Variants in PAM observed in about 807,000 individuals in gnomAD.
PAM encodes the protein peptidylglycine alpha-amidating monooxygenase.
In PAM, 72 loss-of-function variants were observed where a neutral mutation model predicts 122.1. That is an observed-to-expected ratio of 0.59 (90% CI 0.49 to 0.72). The LOEUF (loss-of-function observed/expected upper bound fraction) is 0.72. Among genes scored for constraint, PAM ranks in the 30% least tolerant of loss-of-function variants. The pLI is 0.00. For synonymous variants in PAM, 389 were observed against 404.4 expected, an observed-to-expected ratio of 0.96 and a Z score of 0.46; for missense variants, 1,106 against 1,183.7, an observed-to-expected ratio of 0.93 and a Z score of 0.96.
chr5:102,958,597 C>T (rs759570463), intron 12 of PAM, among the ~76,000 whole-genome samples: 57 of 152,168 alleles, frequency 3.7e-4, no homozygotes, highest in Admixed American at 7.2e-4. Flanking sequence ...TTATATTTCA[C>T]GGGAGAGGCA....
Position 103,025,242 on chromosome 5 carries a change from T to C in PAM, c.2597T>C (p.Val866Ala), listed in dbSNP as rs1238262104. The C allele has an allele frequency of 4.3e-6, 7 of 1,613,648 alleles. No individual in the cohort carries two copies. Among genetic ancestry groups the C allele is most frequent in the South Asian group, 1.1e-5 (1 of 91,072 alleles). ...AAAGAGCCAGGCTCGGGAGTGCCTGTTGTTCTCATTACAACCCTTCTGGTT... is the reference window on the plus strand; with the variant it reads ...AAAGAGCCAGGCTCGGGAGTGCCTGCTGTTCTCATTACAACCCTTCTGGTT... The part of the protein sequence containing the change: ...LIKEPGSGVP[V>A]VLITTLLVIP... Residue 866 changes from valine (V) to alanine (A), a missense_variant, in exon 24 of 26, where the codon GTT becomes GCT. Transcript: ENST00000438793.
intron 7 of PAM, among the ~76,000 whole-genome samples, chr5:102,946,183 C>G (rs6867392): frequency 0.26 from 39,867 of 151,930 alleles, 5,721 homozygotes; most frequent in East Asian, 0.43. Context: ...GCTATAGGAG[C>G]AGCTGTTGAT....
At chr5:103,002,399 T>C (rs1777673104) in intron 16 of PAM, among the ~76,000 whole-genome samples, 1 of 152,158 alleles carries the variant, frequency 6.6e-6, no homozygotes, top group Non-Finnish European at 1.5e-5. Context: ...TAGTTGTTCA[T>C]TTTGTAGTTA....
chr5:102,767,181 A>C (rs998632414), intron 1 of PAM, among the ~76,000 whole-genome samples: 1 of 151,702 alleles, frequency 6.6e-6, no homozygotes, highest in African/African-American at 2.4e-5. Flanking sequence ...TTAGAATTAA[A>C]ACTTTCTTTA....
At chr5:102,840,212 G>A (rs1474523894) in intron 1 of PAM, among the ~76,000 whole-genome samples, 4 of 152,086 alleles carry the variant, frequency 2.6e-5, no homozygotes, top group Non-Finnish European at 4.4e-5. Flanking sequence ...CAATGATGAT[G>A]CTTAAAAGGC....
chr5:102,867,448 A>AC, intron 3 of PAM, 55 bp downstream of exon 3: 10 of 1,380,202 alleles, frequency 7.2e-6, no homozygotes, highest in Non-Finnish European at 1.0e-5. Context: ...ATCTATAATT[A>AC]AAGTAAGGAA....
intron 3 of PAM, among the ~76,000 whole-genome samples, chr5:102,871,737 T>A (rs904815386): frequency 3.5e-5 from 5 of 142,194 alleles, no homozygotes; most frequent in African/African-American, 1.0e-4. Flanking sequence ...TTATATATAT[T>A]ATATATATAT....
chr5:102,884,363 T>C (rs765471951), intron 3 of PAM, among the ~76,000 whole-genome samples: 65 of 151,864 alleles, frequency 4.3e-4, no homozygotes, highest in Non-Finnish European at 6.9e-4. Flanking sequence ...GAGCCTCTAA[T>C]TGATAAATGT....
chr5:103,024,893 A>C (rs993617944), intron 23 of PAM, among the ~76,000 whole-genome samples: 1 of 152,206 alleles, frequency 6.6e-6, no homozygotes, highest in Non-Finnish European at 1.5e-5. Context: ...GCTAAAGAGC[A>C]TATTAAAAGT....
chr5:102,829,021 G>A (rs1472359377), intron 1 of PAM, among the ~76,000 whole-genome samples: 1 of 150,224 alleles, frequency 6.7e-6, no homozygotes, highest in African/African-American at 2.4e-5. Flanking sequence ...CGAGAAGCTG[G>A]GACTGCAATC....
intron 1 of PAM, among the ~76,000 whole-genome samples, chr5:102,790,421 A>G (rs1761748436): frequency 6.6e-6 from 1 of 152,096 alleles, no homozygotes; most frequent in African/African-American, 2.4e-5. Flanking sequence ...AGATCACAGC[A>G]GAGCTTGTAG....
intron 12 of PAM, among the ~76,000 whole-genome samples, chr5:102,957,643 C>A (rs1015018315): frequency 6.6e-6 from 1 of 152,042 alleles, no homozygotes; most frequent in Non-Finnish European, 1.5e-5. Flanking sequence ...AATTCTCCTG[C>A]CTCAGCCTCT....
At position 102,901,370 on chromosome 5, in the gene PAM, C is replaced by T. The variant is rs765607174; in HGVS notation, c.225C>T (p.Phe75=). 6.3e-6 allele frequency: 10 copies of T among 1,577,732 alleles called. No individual in the cohort carries two copies. The highest frequency in any genetic ancestry group is 8.7e-6 in the Non-Finnish European group (10 of 1,148,590). ...GVTPKQSDTY[F]CMSMRIPVDE... is the part of the protein sequence containing the mutation. ...TTTTTTAATAGTCCGATACATACTT[C>T]TGCATGTCTATGCGAATACCAGTGG... The change falls in exon 4 of 26, where the codon TTC becomes TTT. Residue 75 remains phenylalanine (F), a synonymous_variant. Coordinates refer to ENST00000438793, the MANE Select transcript of PAM (RefSeq NM_001177306.2).
At chr5:102,779,896 T>C (rs1033412993) in intron 1 of PAM, among the ~76,000 whole-genome samples, 1 of 91,850 alleles carries the variant, frequency 1.1e-5, no homozygotes, top group South Asian at 4.0e-4. Context: ...CATATATATA[T>C]ATATATATAT....
chr5:102,962,172 G>A (rs1762701619), intron 14 of PAM, among the ~76,000 whole-genome samples: 1 of 151,904 alleles, frequency 6.6e-6, no homozygotes, highest in South Asian at 2.1e-4. Flanking sequence ...TTAGAAAGGG[G>A]AAAATGCATT....
At chr5:103,011,834 C>T (rs1228998111) in intron 21 of PAM, among the ~76,000 whole-genome samples, 1 of 152,104 alleles carries the variant, frequency 6.6e-6, no homozygotes, top group African/African-American at 2.4e-5. Context: ...TTTAAGGAAC[C>T]TCCAAACTGT....
chr5:102,994,970 C>G (rs1775232609), intron 16 of PAM, among the ~76,000 whole-genome samples: 1 of 152,102 alleles, frequency 6.6e-6, no homozygotes, highest in Non-Finnish European at 1.5e-5. Flanking sequence ...CTTCTTCCCT[C>G]CTCCCCCCAG....
At chr5:102,874,246 CAGATT>C (rs1788434522) in intron 3 of PAM, among the ~76,000 whole-genome samples, 1 of 152,126 alleles carries the variant, frequency 6.6e-6, no homozygotes, top group Admixed American at 6.6e-5. Context: ...GTCAAAATCT[CAGATT>C]AGATCTATTT....
At chr5:102,956,489 A>G (rs972535265) in intron 12 of PAM, among the ~76,000 whole-genome samples, 8 of 152,102 alleles carry the variant, frequency 5.3e-5, no homozygotes, top group African/African-American at 1.9e-4. Context: ...GTTGTAGAGG[A>G]CAAAGAGTTA....
Sources: allele counts gnomAD v4.1 joint callset (sites outside exome capture counted in the v4.1 genomes callset), GRCh38; gene constraint gnomAD v4.1.1; transcripts MANE v1.5; gene names NCBI Gene and HGNC (gene_info 2026-07-23, HGNC 2026-07-21).